The following FAM168A variants were observed in gnomAD, a reference collection of about 807,000 sequenced individuals.
FAM168A encodes the protein protein FAM168A.
Under a neutral mutation model 28.5 loss-of-function variants are expected in FAM168A, and 3 were observed. The observed-to-expected ratio is 0.11, with a 90% CI of 0.05 to 0.27. The LOEUF (loss-of-function observed/expected upper bound fraction) is 0.27. Among genes scored for constraint, FAM168A ranks in the 10% least tolerant of loss-of-function variants. The probability of loss-of-function intolerance (pLI) is 1.00; values close to 1 mark genes in which losing one functional copy is unlikely to be tolerated. For synonymous variants in FAM168A, 122 were observed against 124.2 expected, an observed-to-expected ratio of 0.98 and a Z score of 0.12; for missense variants, 222 against 311.5, an observed-to-expected ratio of 0.71 and a Z score of 2.16.
At chr11:73,586,506 GTAAGA>G (rs1240792463) in intron 1 of FAM168A, among the ~76,000 whole-genome samples, 2 of 152,174 alleles carry the variant, frequency 1.3e-5, no homozygotes, top group Admixed American at 6.5e-5. Flanking sequence ...TCAGGTTTAA[GTAAGA>G]TAAGAGGGCC....
intron 2 of FAM168A, among the ~76,000 whole-genome samples, chr11:73,434,337 A>G (rs1372892005): frequency 6.6e-6 from 1 of 152,224 alleles, no homozygotes; most frequent in East Asian, 1.9e-4. Context: ...GCTATGGAAA[A>G]GAGAAAATGG....
chr11:73,519,921 T>C (rs965187483), intron 1 of FAM168A, among the ~76,000 whole-genome samples: 4 of 151,884 alleles, frequency 2.6e-5, no homozygotes, highest in Non-Finnish European at 5.9e-5. Flanking sequence ...CTCAAACTCC[T>C]GAGTAGCTGA....
chr11:73,545,683 C>CTTTTTT (rs966309670), intron 1 of FAM168A, among the ~76,000 whole-genome samples: 13 of 105,162 alleles, frequency 1.2e-4, no homozygotes, highest in Middle Eastern at 7.2e-3. Flanking sequence ...ATACTATATA[C>CTTTTTT]TTTTTTTTTT....
rs1866976171 is a variant in FAM168A, at chr11:73,430,790, G to A, written c.71-20C>T. 1 of 1,542,388 alleles carries A rather than the reference G, an allele frequency of 6.5e-7. No individual in the cohort carries two copies. Among genetic ancestry groups the A allele is most frequent in the Non-Finnish European group, 8.7e-7 (1 of 1,142,920 alleles). On this transcript the variant is annotated intron_variant, in intron 2 of 7. Coordinates refer to ENST00000356467, the MANE Select transcript of FAM168A (RefSeq NM_015159.3). ...GGTAACCTACAGAGAGATAAGAAAAGGCTTATTTAGTTAGGCAAAAAAAAC... is the reference window on the plus strand; with the variant it reads ...GGTAACCTACAGAGAGATAAGAAAAAGCTTATTTAGTTAGGCAAAAAAAAC...
At chr11:73,462,622 T>A (rs1867666784) in intron 2 of FAM168A, among the ~76,000 whole-genome samples, 1 of 152,216 alleles carries the variant, frequency 6.6e-6, no homozygotes, top group Non-Finnish European at 1.5e-5. Flanking sequence ...ATACCTGTAG[T>A]CCCAGCACTT....
intron 1 of FAM168A, among the ~76,000 whole-genome samples, chr11:73,484,025 AGTC>A (rs1447150438): frequency 6.6e-6 from 1 of 152,170 alleles, no homozygotes; most frequent in Non-Finnish European, 1.5e-5. Flanking sequence ...GAACCTTCTC[AGTC>A]GTTAAAGAAG....
chr11:73,550,500 C>T (rs1943812193), intron 1 of FAM168A, among the ~76,000 whole-genome samples: 3 of 151,830 alleles, frequency 2.0e-5, no homozygotes, highest in African/African-American at 7.3e-5. Flanking sequence ...ATAAAAAATA[C>T]AAAAATTAGC....
At position 73,407,557 on chromosome 11, in the gene FAM168A, A is replaced by G; in HGVS notation, c.682T>C (p.Tyr228His). The change falls in exon 7 of 8, where the codon TAC (tyrosine) becomes CAC (histidine). Residue 228 changes from tyrosine (Y) to histidine (H), a missense_variant. By Grantham distance (83) the Tyr-to-His change is moderately conservative. Around this residue, in one of 3 missense-constraint regions of FAM168A, gnomAD observed 64 missense variants for 94.6 expected, o/e 0.68. Transcript: ENST00000356467. ...TACCAGTGTGGGGGCACGTAGCTGTACGCAGGGGTTCCTTGGGCCCTATAT... is the reference window on the plus strand; with the variant it reads ...TACCAGTGTGGGGGCACGTAGCTGTGCGCAGGGGTTCCTTGGGCCCTATAT... Reference protein sequence around the residue: ...PTYRAQGTPAYSYVPPHW With the variant: ...PTYRAQGTPAHSYVPPHW 1 of 1,604,648 alleles carries G rather than the reference A, an allele frequency of 6.2e-7. No individual in the cohort carries two copies. The highest frequency in any genetic ancestry group is 8.5e-7 in the Non-Finnish European group (1 of 1,176,710).
chr11:73,509,298 G>A (rs916069775), intron 1 of FAM168A, among the ~76,000 whole-genome samples: 6 of 152,182 alleles, frequency 3.9e-5, no homozygotes, highest in African/African-American at 1.4e-4. Flanking sequence ...AAGGGAGTCT[G>A]TTAAAAACCT....
At chr11:73,508,999 G>T (rs977582596) in intron 1 of FAM168A, among the ~76,000 whole-genome samples, 1 of 152,158 alleles carries the variant, frequency 6.6e-6, no homozygotes, top group African/African-American at 2.4e-5. Context: ...ACATGCCTTT[G>T]CTCCTCCTTT....
chr11:73,457,900 T>C (rs979426945), intron 2 of FAM168A, among the ~76,000 whole-genome samples: 2 of 152,076 alleles, frequency 1.3e-5, no homozygotes, highest in Admixed American at 6.5e-5. Context: ...TTACTTAACT[T>C]AGCTGAACCT....
At chr11:73,484,723 G>C (rs1025890608) in intron 1 of FAM168A, among the ~76,000 whole-genome samples, 1 of 139,492 alleles carries the variant, frequency 7.2e-6, no homozygotes, top group Non-Finnish European at 1.5e-5. Context: ...TATATATATA[G>C]ATATATATCG....
At position 73,513,194 on chromosome 11, in the gene FAM168A, T is replaced by G. The variant is rs918152955; in HGVS notation, c.-18-44702A>C. 4.5e-4 allele frequency among the ~76,000 whole-genome samples: 67 copies of G among 149,784 alleles called. 1 individual carries two copies. Among genetic ancestry groups the G allele is most frequent in the Middle Eastern group, 3.4e-3 (1 of 292 alleles). On this transcript the variant is annotated intron_variant, in intron 1 of 7. Coordinates refer to ENST00000356467, the MANE Select transcript of FAM168A (RefSeq NM_015159.3). ...TCTCACTTCCAGGTCAAAGTTTTGT[T>G]TTTTTTTTTAATTTTTTTTTTTTTT...
In FAM168A at chr11:73,514,982, A is replaced by C. The variant is rs143097931; in HGVS notation, c.-18-46490T>G. On this transcript the variant is annotated intron_variant, in intron 1 of 7. Transcript: ENST00000356467. The stretch of plus-strand genomic sequence containing the variant: ...AGCCCCCAAAGCTTAATCTACACCT[A>C]CCCATGGACCAGTGGGAAGAGAACA... 5.2e-3 allele frequency among the ~76,000 whole-genome samples: 795 copies of C among 152,278 alleles called. 8 individuals are homozygous for C. Among genetic ancestry groups the C allele is most frequent in the African/African-American group, 0.018 (764 of 41,564 alleles).
At chr11:73,462,913 A>G (rs1867673683) in intron 2 of FAM168A, among the ~76,000 whole-genome samples, 1 of 151,190 alleles carries the variant, frequency 6.6e-6, no homozygotes, top group Non-Finnish European at 1.5e-5. Context: ...AAGAGAGGAG[A>G]GGAGAAGAGA....
At chr11:73,418,450 T>C (rs1024493221) in intron 4 of FAM168A, among the ~76,000 whole-genome samples, 3 of 152,206 alleles carry the variant, frequency 2.0e-5, no homozygotes, top group Non-Finnish European at 2.9e-5. Flanking sequence ...TAAGCAGGGG[T>C]TGGTACCATG....
At chr11:73,420,283 C>A (rs144744414) in intron 3 of FAM168A, among the ~76,000 whole-genome samples, 1 of 152,218 alleles carries the variant, frequency 6.6e-6, no homozygotes, top group African/African-American at 2.4e-5. Context: ...ATAACCATCT[C>A]CTACTACCTG....
chr11:73,517,596 G>A (rs940824832), intron 1 of FAM168A, among the ~76,000 whole-genome samples: 6 of 152,122 alleles, frequency 3.9e-5, no homozygotes, highest in East Asian at 1.9e-4. Context: ...TTAGTTCTTC[G>A]GAAGGTACAC....
intron 3 of FAM168A, among the ~76,000 whole-genome samples, chr11:73,422,321 T>C (rs1439720097): frequency 1.3e-5 from 2 of 152,180 alleles, no homozygotes; most frequent in Admixed American, 6.5e-5. Flanking sequence ...TTTTTCTTTA[T>C]TTTCTTCTGG....
Sources: gnomAD v4.1 joint callset for allele counts (sites outside exome capture counted in the v4.1 genomes callset) on GRCh38, gnomAD v4.1.1 for gene constraint, gnomAD v4.1.1 regional missense constraint, MANE v1.5 for transcripts, NCBI Gene and HGNC (gene_info 2026-07-23, HGNC 2026-07-21) for gene names.